FRAS1: variants seen among roughly 807,000 people sequenced by gnomAD.
FRAS1 encodes the protein extracellular matrix organizing protein FRAS1.
A neutral mutation model predicts 435.2 loss-of-function variants in FRAS1; 290 were observed. That is an observed-to-expected ratio of 0.67 (90% CI 0.61 to 0.73). The LOEUF is 0.73. Among genes scored for constraint, FRAS1 ranks in the 30% least tolerant of loss-of-function variants. The pLI is 0.00. For missense variants in FRAS1, 4,860 were observed against 5,001.5 expected (o/e 0.97, Z 0.85); for synonymous variants, 1,800 against 1,851.0 (o/e 0.97, Z 0.71).
intron 46 of FRAS1, 110 bp downstream of exon 46, chr4:78,452,001 T>A: frequency 7.7e-7 from 1 of 1,303,810 alleles, no homozygotes; most frequent in South Asian, 1.5e-5. Flanking sequence ...ACCTAGCTGG[T>A]GTGGAAACTG....
chr4:78,204,636 T>A (rs1723180534), intron 2 of FRAS1, among the ~76,000 whole-genome samples: 1 of 152,242 alleles, frequency 6.6e-6, no homozygotes, highest in Non-Finnish European at 1.5e-5. Context: ...AATCTCGCCC[T>A]GGCTTTTACC....
intron 2 of FRAS1, among the ~76,000 whole-genome samples, chr4:78,118,063 C>G (rs1718759020): frequency 6.6e-6 from 1 of 152,208 alleles, no homozygotes; most frequent in African/African-American, 2.4e-5. Flanking sequence ...GGACCCTCAG[C>G]TGCAGGTCTG....
At chr4:78,484,329 A>C (rs1429790764) in intron 58 of FRAS1, among the ~76,000 whole-genome samples, 1 of 152,106 alleles carries the variant, frequency 6.6e-6, no homozygotes, top group Non-Finnish European at 1.5e-5. Context: ...TTGGTGTTTA[A>C]ATTGCGTTGT....
chr4:78,337,166 A>G (rs1016761993), intron 19 of FRAS1, among the ~76,000 whole-genome samples: 1 of 152,202 alleles, frequency 6.6e-6, no homozygotes, highest in Non-Finnish European at 1.5e-5. Context: ...TCCCAGTGGT[A>G]GTGGCTTGAA....
intron 2 of FRAS1, among the ~76,000 whole-genome samples, chr4:78,148,630 A>G (rs966285075): frequency 1.3e-5 from 2 of 152,184 alleles, no homozygotes; most frequent in African/African-American, 2.4e-5. Context: ...TTAATTACTT[A>G]TGTCAAAATA....
Position 78,472,389 on chromosome 4 carries a change from A to G in FRAS1, c.7522+59A>G, listed in dbSNP as rs1560747092. On this transcript the variant is annotated intron_variant, in intron 52 of 73. Coordinates refer to ENST00000512123, the MANE Select transcript of FRAS1 (RefSeq NM_025074.7). ...AATCTATGCTAATGTCACACTGCCT[A>G]TCTCCCAGATTCTTCTCACAGCCAC... 3.5e-6 allele frequency: 5 copies of G among 1,436,916 alleles called. No individual in the cohort carries two copies. In the East Asian group the frequency reaches 1.2e-4, roughly 34 times the overall value. The allele number at this position is 1,436,916 out of a possible 1,614,324, so 89.0% of individuals were successfully genotyped here.
intron 2 of FRAS1, among the ~76,000 whole-genome samples, chr4:78,184,331 G>C (rs1197875281): frequency 6.6e-6 from 1 of 152,214 alleles, no homozygotes; most frequent in Non-Finnish European, 1.5e-5. Flanking sequence ...TGTCATGGAT[G>C]ATATGTAAAT....
chr4:78,478,105 A>G, intron 55 of FRAS1, 44 bp downstream of exon 55: 1 of 1,519,714 alleles, frequency 6.6e-7, no homozygotes, highest in East Asian at 2.5e-5. Context: ...ATAATTGCTA[A>G]CATTTATTGA....
At chr4:78,340,063 A>T (rs899614338) in intron 20 of FRAS1, among the ~76,000 whole-genome samples, 1 of 152,234 alleles carries the variant, frequency 6.6e-6, no homozygotes, top group African/African-American at 2.4e-5. Flanking sequence ...TTTAATTTTT[A>T]ATGAGCTCTG....
At chr4:78,207,204 A>G (rs1001430707) in intron 2 of FRAS1, among the ~76,000 whole-genome samples, 3 of 152,226 alleles carry the variant, frequency 2.0e-5, no homozygotes, top group Non-Finnish European at 2.9e-5. Flanking sequence ...AATGTCCTAC[A>G]CTACTTCAAT....
intron 2 of FRAS1, among the ~76,000 whole-genome samples, chr4:78,232,212 T>G (rs1310741184): frequency 9.9e-5 from 15 of 152,230 alleles, no homozygotes; most frequent in Admixed American, 9.8e-4. Context: ...TGTCCAGGCC[T>G]TGGTAAAGGA....
chr4:78,131,541 C>A (rs1289516894), intron 2 of FRAS1, among the ~76,000 whole-genome samples: 3 of 152,144 alleles, frequency 2.0e-5, no homozygotes, highest in Admixed American at 6.6e-5. Context: ...GTTAAAAATG[C>A]CTGTGCTAAG....
chr4:78,286,149 TA>T, intron 13 of FRAS1: 1 of 587,124 alleles, frequency 1.7e-6, no homozygotes, highest in Non-Finnish European at 3.2e-6. Context: ...TCCTCATCTG[TA>T]AAGTTGGGAT....
In FRAS1 at chr4:78,515,929, G is replaced by A. The variant is rs367898509; in HGVS notation, c.10305G>A (p.Lys3435=). The A allele has an allele frequency of 1.2e-6, 2 of 1,614,022 alleles. No individual in the cohort carries two copies. The highest frequency in any genetic ancestry group is 2.7e-5 in the African/African-American group (2 of 75,058). Residue 3435 remains lysine (K), a synonymous_variant, in exon 66 of 74, where the codon AAG becomes AAA. Coordinates refer to ENST00000512123, the MANE Select transcript of FRAS1 (RefSeq NM_025074.7). ...AGCTCTACAAACACCTGAACCTGAA[G>A]AGCTGCGTGTGGACCTTTGATGCTT... The part of the protein sequence containing the change: ...TIQLYKHLNL[K]SCVWTFDAYY...
At chr4:78,392,633 T>C (rs994863862) in intron 29 of FRAS1, among the ~76,000 whole-genome samples, 2 of 152,120 alleles carry the variant, frequency 1.3e-5, no homozygotes, top group Non-Finnish European at 2.9e-5. Flanking sequence ...AGAAGAACTA[T>C]TTAATTTAAA....
At chr4:78,159,053 C>T (rs1288135553) in intron 2 of FRAS1, among the ~76,000 whole-genome samples, 1 of 152,186 alleles carries the variant, frequency 6.6e-6, no homozygotes, top group Non-Finnish European at 1.5e-5. Context: ...GGCATTCAGG[C>T]AGCAGTGCCA....
chr4:78,096,987 C>T (rs1741846408), intron 2 of FRAS1, among the ~76,000 whole-genome samples: 1 of 152,182 alleles, frequency 6.6e-6, no homozygotes, highest in African/African-American at 2.4e-5. Context: ...CTTTTATGCT[C>T]TGCTTCCTTT....
chr4:78,364,135 A>T, intron 22 of FRAS1, 81 bp downstream of exon 22: 21 of 1,427,190 alleles, frequency 1.5e-5, no homozygotes, highest in Non-Finnish European at 1.9e-5. Context: ...CGAGGTTCTT[A>T]CTTCCATCTT....
At chr4:78,100,235 G>T (rs1255304543) in intron 2 of FRAS1, among the ~76,000 whole-genome samples, 3 of 152,192 alleles carry the variant, frequency 2.0e-5, no homozygotes, top group Non-Finnish European at 2.9e-5. Context: ...TGACCTGGTT[G>T]ACCTCTCCCC....
Sources: gnomAD v4.1 joint callset for allele counts (sites outside exome capture counted in the v4.1 genomes callset) on GRCh38, gnomAD v4.1.1 for gene constraint, MANE v1.5 for transcripts, NCBI Gene and HGNC (gene_info 2026-07-23, HGNC 2026-07-21) for gene names.